STON1: variants seen among roughly 807,000 people sequenced by gnomAD.
STON1 encodes the protein stonin 1.
STON1 carries 79 observed loss-of-function variants against 60.9 expected under a neutral mutation model. That is an observed-to-expected ratio of 1.30 (90% confidence interval 1.08 to 1.56). The LOEUF (loss-of-function observed/expected upper bound fraction) is 1.56, where lower values mean the gene tolerates loss of function less well. STON1 is among the 40% of genes most tolerant of loss of function. STON1 has a pLI of 0.00. For missense variants in STON1, 1,166 were observed against 858.9 expected (o/e 1.36, Z -4.47); for synonymous variants, 363 against 306.9 (o/e 1.18, Z -1.91).
At chr2:48,591,604 T>C (rs763093458) in intron 2 of STON1, 49 bp from the exon 3 acceptor site, 4 of 1,599,052 alleles carry the variant, frequency 2.5e-6, no homozygotes, top group Non-Finnish European at 2.6e-6. Context: ...AAGAGAAATG[T>C]TCAATGGCCA....
intron 1 of STON1, among the ~76,000 whole-genome samples, chr2:48,580,269 T>C (rs1035372777): frequency 7.9e-5 from 12 of 152,214 alleles, no homozygotes; most frequent in African/African-American, 2.9e-4. Flanking sequence ...TATCATTATA[T>C]TATGTCCTTC....
intron 3 of STON1, among the ~76,000 whole-genome samples, chr2:48,594,027 G>A (rs994089606): frequency 6.6e-6 from 1 of 152,144 alleles, no homozygotes; most frequent in Non-Finnish European, 1.5e-5. Context: ...TAACGCTGTA[G>A]GTCAGCCCAG....
chr2:48,582,122 G>C lies in STON1; in HGVS notation c.1489G>C (p.Glu497Gln). 6.2e-7 allele frequency: 1 copy of C among 1,614,158 alleles called. No homozygotes were observed. Among genetic ancestry groups the C allele is most frequent in the Non-Finnish European group, 8.5e-7 (1 of 1,180,016 alleles). The change falls in exon 2 of 4, where the codon GAG becomes CAG. Residue 497 changes from glutamate (E) to glutamine (Q), a missense_variant. Physicochemically the swap from Glu to Gln is conservative, Grantham distance 29. Coordinates refer to ENST00000404752, the MANE Select transcript of STON1 (RefSeq NM_006873.4). ...FHKCVNVQEF[E>Q]QSRIIKFVPL... ...TAAGTGTGTGAATGTACAAGAATTT[G>C]AGCAATCAAGAATCATTAAGTTTGT...
At chr2:48,568,447 G>A (rs1673041782) in intron 1 of STON1, among the ~76,000 whole-genome samples, 1 of 152,132 alleles carries the variant, frequency 6.6e-6, no homozygotes, top group Non-Finnish European at 1.5e-5. Flanking sequence ...AAAAGTAGAG[G>A]AAAACTGCAA....
intron 1 of STON1, among the ~76,000 whole-genome samples, chr2:48,541,458 C>T (rs1367014490): frequency 4.1e-5 from 6 of 146,430 alleles, no homozygotes; most frequent in African/African-American, 1.5e-4. Context: ...CTGAGGCAGG[C>T]GGATCACTTG....
intron 2 of STON1, among the ~76,000 whole-genome samples, chr2:48,590,748 A>G (rs908830860): frequency 3.9e-5 from 6 of 152,030 alleles, no homozygotes; most frequent in African/African-American, 1.5e-4. Flanking sequence ...CAGATGCTCA[A>G]TAAGTGACAA....
rs1399387131 is a variant in STON1 at position 48,595,765 on chromosome 2, G to A, written c.*463G>A. ...TTTCCCTCTTTCTTGCCTCTGAAAT[G>A]TGGCTAGGTGTAGAATGATGTTGAA... On this transcript the variant is annotated 3_prime_UTR_variant, in exon 4 of 4. Transcript: ENST00000404752. The A allele has an allele frequency of 6.1e-6, 1 of 164,850 alleles. No individual in the cohort carries two copies. The highest frequency in any genetic ancestry group is 1.3e-5 in the Non-Finnish European group (1 of 77,396). 10.2% of individuals were successfully genotyped at this position (164,850 alleles called of 1,614,324 possible).
chr2:48,563,574 G>C (rs752456497), intron 1 of STON1, among the ~76,000 whole-genome samples: 1 of 152,246 alleles, frequency 6.6e-6, no homozygotes, highest in Non-Finnish European at 1.5e-5. Context: ...AAAGGCCGAG[G>C]TGTCCAGAGG....
intron 1 of STON1, among the ~76,000 whole-genome samples, chr2:48,574,874 A>G (rs1263948153): frequency 9.2e-5 from 14 of 152,242 alleles, no homozygotes; most frequent in Non-Finnish European, 1.9e-4. Context: ...AAATGAAACT[A>G]CACAACAGGA....
chr2:48,554,092 GCTC>G (rs556443992), intron 1 of STON1, among the ~76,000 whole-genome samples: 6 of 152,330 alleles, frequency 3.9e-5, no homozygotes, highest in African/African-American at 1.4e-4. Flanking sequence ...GGTGGTGTGA[GCTC>G]CTGGTTGTGC....
rs1479015788 is a variant in STON1, at chr2:48,581,600, C to T, written c.967C>T (p.Gln323Ter). The T allele has an allele frequency of 3.1e-6, 5 of 1,614,062 alleles. No individual in the cohort carries two copies. Among genetic ancestry groups the T allele is most frequent in the East Asian group, 2.2e-5 (1 of 44,900 alleles). The change falls in exon 2 of 4, where the codon CAG becomes TAG. Residue 323 changes from glutamine to a stop codon, truncating the protein, a stop_gained. Transcript: ENST00000404752. LOFTEE classifies it high-confidence loss of function. The stretch of plus-strand genomic sequence containing the variant: ...ATTAGAAAAACCATTTAAAGAGATA[C>T]AGCTTGATCCATATTGTAGGCTTTC... ...QGLEKPFKEI[Q>*]LDPYCRLSEP...
Position 48,595,307 on chromosome 2 carries a change from A to T in STON1, c.*5A>T. 6.2e-7 allele frequency: 1 copy of T among 1,612,502 alleles called. No homozygotes were observed. The highest frequency in any genetic ancestry group is 8.5e-7 in the Non-Finnish European group (1 of 1,178,576). Reference sequence around the variant, plus strand: ...GGTGACTGCATAACTCAGTAGGAGTAGCAAGAGTTTATGATGACAGCCCAC... The same window carrying T: ...GGTGACTGCATAACTCAGTAGGAGTTGCAAGAGTTTATGATGACAGCCCAC... On this transcript the variant is annotated 3_prime_UTR_variant, in exon 4 of 4. Transcript: ENST00000404752.
At chr2:48,574,977 T>G (rs1368756632) in intron 1 of STON1, among the ~76,000 whole-genome samples, 1 of 152,246 alleles carries the variant, frequency 6.6e-6, no homozygotes, top group Non-Finnish European at 1.5e-5. Context: ...CCTTTTCATC[T>G]TACATAACTG....
chr2:48,542,026 T>C (rs761788730), intron 1 of STON1, among the ~76,000 whole-genome samples: 4 of 152,202 alleles, frequency 2.6e-5, no homozygotes, highest in African/African-American at 4.8e-5. Flanking sequence ...CTCACATCTA[T>C]GTTGAAAAGA....
In STON1 at chr2:48,567,895, G is replaced by A. The variant is rs575922638; in HGVS notation, c.-47-12692G>A. ...CTGAGGGTTTGGAAATGCTGCTAAA[G>A]TCTAGTTACAGTGTTGCTCTTGAGG... On this transcript the variant is annotated intron_variant, in intron 1 of 3. Transcript: ENST00000404752. 1.2e-3 allele frequency among the ~76,000 whole-genome samples: 167 copies of A among 143,744 alleles called. No homozygotes were observed. In the Middle Eastern group the frequency reaches 0.021, roughly 18 times the overall value. The allele number at this position is 143,744 out of a possible 152,430, so 94.3% of individuals were successfully genotyped here.
chr2:48,556,728 C>T (rs1186696802), intron 1 of STON1, among the ~76,000 whole-genome samples: 2 of 18,140 alleles, frequency 1.1e-4, no homozygotes, highest in African/African-American at 5.9e-4. Flanking sequence ...CCGGACGGGG[C>T]GGCTGGCCGG....
At chr2:48,564,417 T>TTCTTCCTCTTCC (rs1230455524) in intron 1 of STON1, among the ~76,000 whole-genome samples, 32 of 40,352 alleles carry the variant, frequency 7.9e-4, no homozygotes, top group African/African-American at 2.3e-3. Context: ...CTTCTTCTTC[T>TTCTTCCTCTTCC]TCTTCTTCTT....
intron 1 of STON1, among the ~76,000 whole-genome samples, chr2:48,557,335 T>C (rs1390198975): frequency 6.1e-5 from 5 of 81,970 alleles, no homozygotes; most frequent in Non-Finnish European, 7.7e-5. Context: ...ACATCCCAGA[T>C]GGGGCGGCGG....
chr2:48,536,266 C>T (rs373375644), intron 1 of STON1, among the ~76,000 whole-genome samples: 2 of 151,570 alleles, frequency 1.3e-5, no homozygotes, highest in East Asian at 2.0e-4. Context: ...TGTCAGAATA[C>T]GCCAGGTGTG....
Sources: gnomAD v4.1 joint callset for allele counts (sites outside exome capture counted in the v4.1 genomes callset) on GRCh38, gnomAD v4.1.1 for gene constraint, MANE v1.5 for transcripts, NCBI Gene and HGNC (gene_info 2026-07-23, HGNC 2026-07-21) for gene names.